SLC12A9: variants seen among roughly 807,000 people sequenced by gnomAD.
SLC12A9 encodes CCC-interacting protein 1.
A neutral mutation model predicts 66.0 loss-of-function variants in SLC12A9; 55 were observed. That is an observed-to-expected ratio of 0.83 (90% confidence interval 0.67 to 1.04). The LOEUF (loss-of-function observed/expected upper bound fraction) is 1.04. Among genes scored for constraint, SLC12A9 ranks in the 50% least tolerant of loss-of-function variants. The pLI is 0.00. For missense variants in SLC12A9, 1,061 were observed against 1,241.9 expected, an observed-to-expected ratio of 0.85 and a Z score of 2.19; for synonymous variants, 577 against 569.0, an observed-to-expected ratio of 1.01 and a Z score of -0.20.
At position 100,866,312 on chromosome 7, in the gene SLC12A9, G is replaced by T. The variant is rs1356337845; in HGVS notation, c.2452G>T (p.Gly818Trp). The change falls in exon 14 of 14, where the codon GGG (glycine) becomes TGG (tryptophan). Residue 818 changes from glycine to tryptophan, a missense_variant. Physicochemically the swap from Gly to Trp is radical, Grantham distance 184 (BLOSUM62 -2). Transcript: ENST00000354161. The surrounding 1 kb of genome is among the most constrained non-coding windows in gnomAD (Gnocchi z 7.3). ...TGGGGAACCCGAGGCGGAGGAGGAA[G>T]GGGACTTTGTGAACAGTGGGCGGGG... Reference protein sequence around the residue: ...GAGEPEAEEEGDFVNSGRGDA... With the variant: ...GAGEPEAEEEWDFVNSGRGDA... 6.6e-7 allele frequency: 1 copy of T among 1,513,406 alleles called. No homozygotes were observed. The highest frequency in any genetic ancestry group is 2.1e-5 in the Admixed American group (1 of 47,112). 93.7% of individuals were successfully genotyped at this position (1,513,406 alleles called of 1,614,324 possible).
At chr7:100,849,752 T>C (rs1369801300), upstream of SLC12A9, among the ~76,000 whole-genome samples, 1 of 151,898 alleles carries the variant, frequency 6.6e-6, no homozygotes, top group African/African-American at 2.4e-5. Context: ...GACTAAAATT[T>C]AGTCAAGGAG....
intron 9 of SLC12A9, chr7:100,860,855 T>G: frequency 1.9e-6 from 1 of 520,378 alleles, no homozygotes. Flanking sequence ...CACTGGCACT[T>G]TCTGGGGTTC....
At position 100,866,346 on chromosome 7, in the gene SLC12A9, AG is replaced by A. The variant is rs1481831346; in HGVS notation, c.2488del (p.Ala830GlnfsTer64). 6.6e-7 allele frequency: 1 copy of A among 1,506,708 alleles called. No individual in the cohort carries two copies. Among genetic ancestry groups the A allele is most frequent in the Admixed American group, 2.1e-5 (1 of 46,638 alleles). 93.3% of individuals were successfully genotyped at this position (1,506,708 alleles called of 1,614,324 possible). ...DFVNSGRGDA[E>X]AEALARSANA... ...GTGAACAGTGGGCGGGGAGACGCAG[AG>A]GCAGAGGCCCTGGCACGCAGCGCCA... On this transcript the variant is annotated frameshift_variant, in exon 14 of 14. Coordinates refer to ENST00000354161, the MANE Select transcript of SLC12A9 (RefSeq NM_020246.4). LOFTEE classifies it high-confidence loss of function. The surrounding 1 kb of genome is among the most constrained non-coding windows in gnomAD (Gnocchi z 7.3).
upstream of SLC12A9, among the ~76,000 whole-genome samples, chr7:100,851,049 G>A (rs1162449857): frequency 6.6e-6 from 1 of 151,008 alleles, no homozygotes; most frequent in Admixed American, 6.6e-5. Flanking sequence ...TAGAGATGAG[G>A]TCCCACTTTA....
intron 1 of SLC12A9, chr7:100,827,086 C>A (rs961958871): frequency 2.5e-5 from 39 of 1,537,032 alleles, no homozygotes; most frequent in Non-Finnish European, 2.9e-5. Context: ...CTCGCCCCCC[C>A]AGGTCTGACT....
Position 100,861,393 on chromosome 7 carries a change from C to T in SLC12A9, c.1345C>T (p.Pro449Ser). 1 of 1,613,306 alleles carries T rather than the reference C, an allele frequency of 6.2e-7. No homozygotes were observed. Residue 449 changes from proline to serine, a missense_variant and splice_region_variant, in exon 11 of 14, where the codon CCC (proline) becomes TCC (serine). Physicochemically the swap from Pro to Ser is moderately conservative, Grantham distance 74 (BLOSUM62 -1). Coordinates refer to ENST00000354161, the MANE Select transcript of SLC12A9 (RefSeq NM_020246.4). The surrounding 1 kb of genome is among the most constrained non-coding windows in gnomAD (Gnocchi z 5.3). ...LEWASAPNFRPTFSLFSWHTC... is the reference protein window; with the variant it reads ...LEWASAPNFRSTFSLFSWHTC... The stretch of plus-strand genomic sequence containing the variant: ...CCCTCCTCCCCTCCATGCCCGCAGC[C>T]CCACCTTCAGCCTGTTCTCCTGGCA...
In SLC12A9 at chr7:100,846,944, T is replaced by G. The variant is rs899577394; in HGVS notation, n.229-12941T>G. 3.3e-5 allele frequency among the ~76,000 whole-genome samples: 5 copies of G among 152,174 alleles called. No individual in the cohort carries two copies. The East Asian group carries it at 9.6e-4, about 29-fold the overall frequency. Reference sequence around the variant, plus strand: ...GCACTGTGAAAATCCCTGTCCTGTTTTCTTCCAATCTAATTACCGGTGCAT... The same window carrying G: ...GCACTGTGAAAATCCCTGTCCTGTTGTCTTCCAATCTAATTACCGGTGCAT... On this transcript the variant is annotated intron_variant and non_coding_transcript_variant, in intron 1 of 1. Transcript: ENST00000461016.
At chr7:100,837,578 T>A (rs897140235) in intron 1 of SLC12A9, 3 of 152,250 alleles carry the variant, frequency 2.0e-5, no homozygotes, top group Admixed American at 6.5e-5. Flanking sequence ...TCCGGAGGAT[T>A]CCTGCAGCCA....
intron 1 of SLC12A9, among the ~76,000 whole-genome samples, chr7:100,829,508 C>CG (rs1470214480): frequency 6.7e-6 from 1 of 149,234 alleles, no homozygotes; most frequent in East Asian, 2.0e-4. Context: ...GTCCTGCGCC[C>CG]GGGTTGGGGG....
chr7:100,848,677 G>C (rs919869219), upstream of SLC12A9, among the ~76,000 whole-genome samples: 16 of 152,102 alleles, frequency 1.1e-4, no homozygotes, highest in South Asian at 8.3e-4. Flanking sequence ...ACGAGGTCAG[G>C]AGATCGAGAC....
chr7:100,849,646 C>T (rs1296216865), upstream of SLC12A9, among the ~76,000 whole-genome samples: 1 of 147,070 alleles, frequency 6.8e-6, no homozygotes, highest in East Asian at 2.3e-4. Context: ...ACCTGGGATG[C>T]GGAGGGTGCA....
chr7:100,858,924 G>T lies in SLC12A9; in HGVS notation c.847G>T (p.Ala283Ser). 6.2e-7 allele frequency: 1 copy of T among 1,614,134 alleles called. No homozygotes were observed. The highest frequency in any genetic ancestry group is 8.5e-7 in the Non-Finnish European group (1 of 1,180,026). ...CTTTAACGGCTGTACAGGCATCATG[G>T]CTGGGGCCAACATGTCAGGTGAGAG... Reference protein sequence around the residue: ...VLFNGCTGIMAGANMSGELKD... With the variant: ...VLFNGCTGIMSGANMSGELKD... Residue 283 changes from alanine (A) to serine (S), a missense_variant, in exon 6 of 14, where the codon GCT (alanine) becomes TCT (serine). Physicochemically the swap from Ala to Ser is moderately conservative, Grantham distance 99. Coordinates refer to ENST00000354161, the MANE Select transcript of SLC12A9 (RefSeq NM_020246.4).
At chr7:100,851,613 C>A (rs570457940), upstream of SLC12A9, among the ~76,000 whole-genome samples, 6 of 146,886 alleles carry the variant, frequency 4.1e-5, no homozygotes, top group Non-Finnish European at 8.9e-5. Context: ...GGCAACATGG[C>A]GAAACCCGGT....
At position 100,864,042 on chromosome 7, in the gene SLC12A9, A is replaced by G. The variant is rs140285274; in HGVS notation, c.1858+1215A>G. Among the ~76,000 whole-genome samples the G allele has an allele frequency of 3.4e-3, 510 of 151,156 alleles. 4 individuals carry two copies. Among genetic ancestry groups the G allele is most frequent in the African/African-American group, 0.012 (494 of 41,132 alleles). Reference sequence around the variant, plus strand: ...AAATACGAAATTTTTCCTGTGGAAGATATCAGGTCGGTGCAAAAGCAATTG... The same window carrying G: ...AAATACGAAATTTTTCCTGTGGAAGGTATCAGGTCGGTGCAAAAGCAATTG... On this transcript the variant is annotated intron_variant, in intron 13 of 13. Coordinates refer to ENST00000354161, the MANE Select transcript of SLC12A9 (RefSeq NM_020246.4).
chr7:100,845,618 G>A (rs909156175), intron 1 of SLC12A9, among the ~76,000 whole-genome samples: 1 of 152,146 alleles, frequency 6.6e-6, no homozygotes, highest in African/African-American at 2.4e-5. Context: ...CAAAGTGCTG[G>A]GATTATAGGC....
intron 1 of SLC12A9, among the ~76,000 whole-genome samples, chr7:100,828,873 A>G (rs1209862398): frequency 2.6e-5 from 4 of 152,078 alleles, no homozygotes; most frequent in South Asian, 2.1e-4. Context: ...ACTTCAGGGA[A>G]CTTAACAGTA....
intron 1 of SLC12A9, among the ~76,000 whole-genome samples, chr7:100,831,615 C>T (rs559379819): frequency 3.0e-4 from 45 of 152,322 alleles, no homozygotes; most frequent in African/African-American, 9.6e-4. Context: ...GCTGGGACCC[C>T]GCGCGGGGAC....
rs1452315142 is a variant in SLC12A9, at chr7:100,857,084, C to T, written c.665C>T (p.Thr222Ile). ...GTGGGGCCGAGGGACATCCGCTTGA[C>T]TCCTAGGCCTGGCCCCAATGGCTCC... is the stretch of plus-strand genomic sequence containing the variant. ...VAVGPRDIRL[T>I]PRPGPNGSSL... Residue 222 changes from threonine to isoleucine, a missense_variant, in exon 5 of 14, where the codon ACT becomes ATT. By Grantham distance (89) the Thr-to-Ile change is moderately conservative. Coordinates refer to ENST00000354161, the MANE Select transcript of SLC12A9 (RefSeq NM_020246.4). 1 of 1,614,224 alleles carries T rather than the reference C, an allele frequency of 6.2e-7. No individual in the cohort carries two copies. The highest frequency in any genetic ancestry group is 8.5e-7 in the Non-Finnish European group (1 of 1,180,042).
chr7:100,843,671 A>G (rs547826837), intron 1 of SLC12A9, among the ~76,000 whole-genome samples: 65 of 152,352 alleles, frequency 4.3e-4, no homozygotes, highest in African/African-American at 1.6e-3. Flanking sequence ...ACTAACCCTT[A>G]GGCAAAACCT....
Sources: allele counts gnomAD v4.1 joint callset (sites outside exome capture counted in the v4.1 genomes callset), GRCh38; gene constraint gnomAD v4.1.1; non-coding constraint Gnocchi (gnomAD v3.1); transcripts MANE v1.5; gene names NCBI Gene and HGNC (gene_info 2026-07-23, HGNC 2026-07-21).